MAGI2: variants seen among roughly 807,000 people sequenced by gnomAD.
The protein encoded by MAGI2 is membrane-associated guanylate kinase, WW and PDZ domain-containing protein 2.
A neutral mutation model predicts 133.3 loss-of-function variants in MAGI2; 35 were observed. The ratio of observed to expected loss-of-function variants is 0.26; its 90% CI spans 0.20 to 0.35. The LOEUF (loss-of-function observed/expected upper bound fraction) is 0.35, where lower values mean the gene tolerates loss of function less well. Among genes scored for constraint, MAGI2 ranks in the 10% least tolerant of loss-of-function variants. The pLI, the probability that MAGI2 is intolerant of heterozygous loss-of-function variation, is 1.00. For synonymous variants in MAGI2, 729 were observed against 710.6 expected, an observed-to-expected ratio of 1.03 and a Z score of -0.41; for missense variants, 1,636 against 1,863.4, an observed-to-expected ratio of 0.88 and a Z score of 2.25.
intron 1 of MAGI2, among the ~76,000 whole-genome samples, chr7:79,139,155 A>G (rs1018864613): frequency 6.6e-6 from 1 of 152,114 alleles, no homozygotes; most frequent in East Asian, 1.9e-4. Context: ...AACCACAAGA[A>G]TATAAATTTC....
chr7:78,075,087 C>T (rs914647460), intron 21 of MAGI2, among the ~76,000 whole-genome samples: 2 of 152,210 alleles, frequency 1.3e-5, no homozygotes, highest in Non-Finnish European at 2.9e-5. Flanking sequence ...TGTGCTGAAC[C>T]TGCTTTGCTT....
intron 19 of MAGI2, 28 bp downstream of exon 19, chr7:78,127,169 A>G (rs768648738): frequency 1.8e-5 from 28 of 1,518,592 alleles, no homozygotes; most frequent in Non-Finnish European, 2.3e-5. Flanking sequence ...CTTGGTCAGG[A>G]CCCACCCTGC....
At chr7:79,234,269 T>A (rs1831665533) in intron 1 of MAGI2, among the ~76,000 whole-genome samples, 1 of 146,714 alleles carries the variant, frequency 6.8e-6, no homozygotes, top group African/African-American at 2.5e-5. Context: ...GACAATTATG[T>A]GTCTTGGAGT....
rs1827584591 is a variant in MAGI2 at position 78,185,357 on chromosome 7, T to C, written c.2311+272A>G. 1.0e-5 allele frequency: 3 copies of C among 297,478 alleles called. No individual in the cohort carries two copies. The East Asian group carries it at 1.6e-4, about 16-fold the overall frequency. 18.4% of individuals were successfully genotyped at this position (297,478 alleles called of 1,614,324 possible). ...GCACGGACCTAGTCAGTCTGATGGCTCTCTTTGGCAGCTGTTTTTAATCCA... is the reference window on the plus strand; with the variant it reads ...GCACGGACCTAGTCAGTCTGATGGCCCTCTTTGGCAGCTGTTTTTAATCCA... On this transcript the variant is annotated intron_variant, in intron 13 of 21. Transcript: ENST00000354212.
At chr7:78,449,865 T>G (rs1427818367) in intron 6 of MAGI2, among the ~76,000 whole-genome samples, 1 of 152,124 alleles carries the variant, frequency 6.6e-6, no homozygotes, top group Non-Finnish European at 1.5e-5. Flanking sequence ...TTTCTCACTG[T>G]GATCTTATTT....
At chr7:78,313,366 A>T (rs2151100631) in intron 9 of MAGI2, among the ~76,000 whole-genome samples, 1 of 152,240 alleles carries the variant, frequency 6.6e-6, no homozygotes, top group South Asian at 2.1e-4. Context: ...AAAAAATTTC[A>T]TCTTGGAGGA....
Position 79,260,828 on chromosome 7 carries a change from A to G in MAGI2, c.301+192192T>C, listed in dbSNP as rs955897107. Among the ~76,000 whole-genome samples, 4 of 152,202 alleles carry G rather than the reference A, an allele frequency of 2.6e-5. No homozygotes were observed. In the East Asian group the frequency reaches 7.7e-4, roughly 29 times the overall value. ...GATATCTCATTATGTATTTCTAAAT[A>G]TTCCAAAATATGAAAAAGTCTAACA... On this transcript the variant is annotated intron_variant, in intron 1 of 21. Transcript: ENST00000354212.
chr7:78,980,981 T>G (rs1471750324), intron 2 of MAGI2, among the ~76,000 whole-genome samples: 2 of 151,708 alleles, frequency 1.3e-5, no homozygotes. Flanking sequence ...ATAATCTTCT[T>G]GTCTTTGTTG....
chr7:79,175,122 C>T (rs1455692921), intron 1 of MAGI2, among the ~76,000 whole-genome samples: 7 of 151,788 alleles, frequency 4.6e-5, no homozygotes, highest in Non-Finnish European at 1.5e-5. Context: ...AAGATACATG[C>T]TTTCATTTGA....
At chr7:78,741,936 C>T (rs953637947) in intron 2 of MAGI2, among the ~76,000 whole-genome samples, 12 of 151,816 alleles carry the variant, frequency 7.9e-5, no homozygotes, top group East Asian at 2.0e-4. Flanking sequence ...TAAGTTATCA[C>T]GAAGGATAAT....
intron 15 of MAGI2, among the ~76,000 whole-genome samples, chr7:78,167,341 C>T (rs1038329399): frequency 2.0e-5 from 3 of 152,062 alleles, no homozygotes; most frequent in African/African-American, 7.2e-5. Flanking sequence ...TGGTGGATTC[C>T]TTTATGAAGC....
chr7:78,655,140 T>A (rs940619638), intron 2 of MAGI2, among the ~76,000 whole-genome samples: 1 of 151,870 alleles, frequency 6.6e-6, no homozygotes, highest in Non-Finnish European at 1.5e-5. Context: ...TTAAAAATTT[T>A]AAAAAGAAAT....
chr7:79,376,476 C>T (rs1843386814), intron 1 of MAGI2, among the ~76,000 whole-genome samples: 1 of 151,720 alleles, frequency 6.6e-6, no homozygotes, highest in Non-Finnish European at 1.5e-5. Flanking sequence ...TCTATTGATC[C>T]CTTGACAACA....
intron 1 of MAGI2, among the ~76,000 whole-genome samples, chr7:79,308,991 A>G (rs117926581): frequency 0.013 from 2,025 of 152,232 alleles, 34 homozygotes; most frequent in Non-Finnish European, 0.014. Flanking sequence ...TTTCACTGAC[A>G]AAGAAAAATA....
At chr7:78,091,738 G>A (rs1416747485) in intron 20 of MAGI2, among the ~76,000 whole-genome samples, 2 of 152,204 alleles carry the variant, frequency 1.3e-5, no homozygotes, top group African/African-American at 4.8e-5. Context: ...CGGAAGTAGG[G>A]AGTGGGGAGA....
At chr7:78,168,146 C>T in intron 14 of MAGI2, 38 bp from the exon 15 acceptor site, 1 of 1,391,742 alleles carries the variant, frequency 7.2e-7, no homozygotes, top group South Asian at 1.2e-5. Context: ...ATTCACATTT[C>T]AATCCTTTTT....
At chr7:78,395,220 G>A (rs1444086407) in intron 6 of MAGI2, among the ~76,000 whole-genome samples, 3 of 152,046 alleles carry the variant, frequency 2.0e-5, no homozygotes, top group African/African-American at 4.8e-5. Flanking sequence ...AAACAAAAAA[G>A]AAAGCAGAAA....
At chr7:79,079,880 G>A (rs1815887868) in intron 1 of MAGI2, among the ~76,000 whole-genome samples, 1 of 152,016 alleles carries the variant, frequency 6.6e-6, no homozygotes, top group South Asian at 2.1e-4. Context: ...ATTTCACAAT[G>A]TATTATTGGT....
At chr7:78,319,894 G>A (rs1050235675) in intron 9 of MAGI2, among the ~76,000 whole-genome samples, 21 of 152,076 alleles carry the variant, frequency 1.4e-4, no homozygotes, top group Non-Finnish European at 2.9e-4. Flanking sequence ...TAATAAAGAC[G>A]AAAAGAGAGA....
Sources: allele counts gnomAD v4.1 joint callset (sites outside exome capture counted in the v4.1 genomes callset), GRCh38; gene constraint gnomAD v4.1.1; transcripts MANE v1.5; gene names NCBI Gene and HGNC (gene_info 2026-07-23, HGNC 2026-07-21).